MACF1: variants seen among roughly 807,000 people sequenced by gnomAD.
The protein encoded by MACF1 is microtubule actin crosslinking factor 1, also known as microtubule-actin cross-linking factor 1.
In MACF1, 193 loss-of-function variants were observed where a neutral mutation model predicts 854.8. The observed-to-expected ratio is 0.23, with a 90% CI of 0.20 to 0.25. The LOEUF (loss-of-function observed/expected upper bound fraction) is 0.25, where lower values mean the gene tolerates loss of function less well. MACF1 is among the 10% of genes least tolerant of loss of function. The probability of loss-of-function intolerance (pLI) is 1.00; values close to 1 mark genes in which losing one functional copy is unlikely to be tolerated. For missense variants in MACF1, 7,722 were observed against 8,929.1 expected, an observed-to-expected ratio of 0.86 and a Z score of 5.45; for synonymous variants, 3,185 against 3,226.7, an observed-to-expected ratio of 0.99 and a Z score of 0.44.
intron 1 of MACF1, among the ~76,000 whole-genome samples, chr1:39,214,554 C>G (rs1644553152): frequency 2.0e-5 from 3 of 152,158 alleles, no homozygotes; most frequent in Non-Finnish European, 4.4e-5. Flanking sequence ...AAGAATGGAG[C>G]AACAAGCAAA....
At chr1:39,414,811 G>A (rs1011597345) in intron 58 of MACF1, among the ~76,000 whole-genome samples, 1 of 152,174 alleles carries the variant, frequency 6.6e-6, no homozygotes. Context: ...GCATGTTCTT[G>A]CCTAAACCAA....
chr1:39,084,417 C>T lies in MACF1; in HGVS notation c.199C>T (p.Arg67Cys), dbSNP rs1160531216. The change falls in exon 2 of 94, where the codon CGT (arginine) becomes TGT (cysteine). Residue 67 changes from arginine (R) to cysteine (C), a missense_variant. Coordinates refer to the MACF1 transcript ENST00000361689. This position sits in a 1 kb window ranked among gnomAD's most constrained non-coding sequence, Gnocchi z 5.2. ...GGATTCGGTGCTGGACCCTGCAGAG[C>T]GTGCTGTGGTCAGAGTCGCTGGTAA... 5 of 1,610,804 alleles carry T rather than the reference C, an allele frequency of 3.1e-6. No homozygotes were observed. The highest frequency in any genetic ancestry group is 4.2e-6 in the Non-Finnish European group (5 of 1,179,914).
intron 56 of MACF1, among the ~76,000 whole-genome samples, chr1:39,384,507 G>GC (rs1305791545): frequency 6.6e-6 from 1 of 152,152 alleles, no homozygotes; most frequent in Non-Finnish European, 1.5e-5. Context: ...AGGTCATACA[G>GC]CTAGTAGGTG....
At chr1:39,170,608 C>T (rs895768292) in intron 2 of MACF1, among the ~76,000 whole-genome samples, 11 of 152,222 alleles carry the variant, frequency 7.2e-5, no homozygotes, top group South Asian at 2.1e-4. Context: ...ATCAGTGAAA[C>T]GACTATTATA....
At chr1:39,431,050 G>A in intron 66 of MACF1, 142 bp downstream of exon 66, 1 of 826,360 alleles carries the variant, frequency 1.2e-6, no homozygotes, top group South Asian at 1.7e-5. Flanking sequence ...TTCATTGATG[G>A]GAAATGATTG....
At chr1:39,120,838 TA>T (rs1291408478) in intron 2 of MACF1, 2 of 152,254 alleles carry the variant, frequency 1.3e-5, no homozygotes, top group Non-Finnish European at 2.9e-5. Context: ...GCAAACAATC[TA>T]ATTACACTCT....
chr1:39,454,809 AAAAT>A (rs1325850884), intron 88 of MACF1, 96 bp from the exon 89 acceptor site: 38 of 1,075,674 alleles, frequency 3.5e-5, no homozygotes, highest in Non-Finnish European at 1.1e-5. Flanking sequence ...CCAAAAAAAT[AAAAT>A]AAAAAGCCAT....
chr1:39,163,939 G>A (rs1268055136), intron 2 of MACF1, among the ~76,000 whole-genome samples: 1 of 152,042 alleles, frequency 6.6e-6, no homozygotes, highest in Admixed American at 6.6e-5. Context: ...CAAATTACTA[G>A]GCTCATATTT....
At chr1:39,465,435 A>G (rs746022244) in intron 95 of MACF1, among the ~76,000 whole-genome samples, 15 of 152,244 alleles carry the variant, frequency 9.9e-5, no homozygotes, top group Non-Finnish European at 2.1e-4. Flanking sequence ...GTTCTTATTT[A>G]TATTAGAATC....
intron 6 of MACF1, among the ~76,000 whole-genome samples, chr1:39,272,790 T>A (rs978878691): frequency 3.3e-5 from 5 of 152,226 alleles, no homozygotes; most frequent in Non-Finnish European, 7.3e-5. Context: ...AGTTAATACT[T>A]CTTTTGTCAA....
intron 6 of MACF1, chr1:39,268,809 A>C: frequency 2.3e-6 from 3 of 1,289,802 alleles, no homozygotes; most frequent in Non-Finnish European, 2.0e-6. Flanking sequence ...GTGGAGAGGG[A>C]AGAAAATCCC....
At chr1:39,360,092 T>TAC (rs901836575) in intron 47 of MACF1, among the ~76,000 whole-genome samples, 64 of 132,952 alleles carry the variant, frequency 4.8e-4, no homozygotes, top group African/African-American at 5.7e-4. Context: ...CACACATATA[T>TAC]ACACACACAC....
intron 49 of MACF1, among the ~76,000 whole-genome samples, chr1:39,367,664 T>A (rs1648845649): frequency 6.6e-6 from 1 of 152,222 alleles, no homozygotes; most frequent in Non-Finnish European, 1.5e-5. Flanking sequence ...CCTGAAACTT[T>A]CATTCTTTAC....
At chr1:39,113,917 T>G (rs553766389) in intron 2 of MACF1, among the ~76,000 whole-genome samples, 1 of 151,988 alleles carries the variant, frequency 6.6e-6, no homozygotes, top group Non-Finnish European at 1.5e-5. Context: ...ATGCCTGTAG[T>G]CCCAGCTACT....
intron 38 of MACF1, among the ~76,000 whole-genome samples, chr1:39,338,085 G>T (rs899751840): frequency 3.3e-5 from 5 of 152,044 alleles, no homozygotes; most frequent in African/African-American, 1.2e-4. Flanking sequence ...ATTGTTATCT[G>T]CGTGGTTTTG....
intron 6 of MACF1, among the ~76,000 whole-genome samples, chr1:39,260,784 T>C (rs776006599): frequency 2.0e-5 from 3 of 152,220 alleles, no homozygotes; most frequent in Non-Finnish European, 4.4e-5. Context: ...TATTTCTAAT[T>C]CAAATTTAGG....
intron 2 of MACF1, among the ~76,000 whole-genome samples, chr1:39,179,777 G>C (rs1571141634): frequency 2.0e-5 from 3 of 152,134 alleles, no homozygotes; most frequent in African/African-American, 4.8e-5. Context: ...CCCTTTGGGA[G>C]GCCGAGGCAG....
chr1:39,418,613 A>C (rs1022866828), intron 58 of MACF1, among the ~76,000 whole-genome samples: 1 of 152,258 alleles, frequency 6.6e-6, no homozygotes, highest in Non-Finnish European at 1.5e-5. Flanking sequence ...CTGTAATCCT[A>C]GCACTTTGGA....
chr1:39,154,601 C>T (rs567866497), intron 2 of MACF1, among the ~76,000 whole-genome samples: 42 of 152,186 alleles, frequency 2.8e-4, no homozygotes, highest in Admixed American at 5.2e-4. Context: ...GATTCGTTCT[C>T]GCCTCATTGG....
Sources: allele counts gnomAD v4.1 joint callset (sites outside exome capture counted in the v4.1 genomes callset), GRCh38; gene constraint gnomAD v4.1.1; non-coding constraint Gnocchi (gnomAD v3.1); transcripts MANE v1.5; gene names NCBI Gene and HGNC (gene_info 2026-07-23, HGNC 2026-07-21).